PROX1: variants seen among roughly 807,000 people sequenced by gnomAD.
PROX1 encodes the protein prospero homeobox protein 1.
A neutral mutation model predicts 58.8 loss-of-function variants in PROX1; 7 were observed. The ratio of observed to expected loss-of-function variants is 0.12; its 90% CI spans 0.07 to 0.22. The LOEUF (loss-of-function observed/expected upper bound fraction) is 0.22, where lower values mean the gene tolerates loss of function less well. Among genes scored for constraint, PROX1 ranks in the 10% least tolerant of loss-of-function variants. PROX1 has a pLI of 1.00. For synonymous variants in PROX1, 350 were observed against 358.3 expected (o/e 0.98, Z 0.26); for missense variants, 675 against 927.8 (o/e 0.73, Z 3.54).
At chr1:214,010,885 T>C (rs1663885134) in intron 3 of PROX1, among the ~76,000 whole-genome samples, 1 of 152,114 alleles carries the variant, frequency 6.6e-6, no homozygotes, top group Non-Finnish European at 1.5e-5. Context: ...AGGAAGCAGG[T>C]GAACAGGCAC....
At chr1:214,030,873 T>C (rs1450775864) in intron 4 of PROX1, 1 of 152,442 alleles carries the variant, frequency 6.6e-6, no homozygotes, top group Non-Finnish European at 1.5e-5. Context: ...CAGGCTTTTA[T>C]TATGTACTGC....
At chr1:214,005,405 T>A (rs1014502061) in intron 3 of PROX1, 133 bp downstream of exon 3, 1 of 684,252 alleles carries the variant, frequency 1.5e-6, no homozygotes, top group Non-Finnish European at 2.4e-6. Context: ...TTTAATGCAC[T>A]TGTCTTTTTG....
Position 214,037,979 on chromosome 1 carries a change from G to T in PROX1, c.*2145G>T, listed in dbSNP as rs1274935391. The T allele has an allele frequency of 1.3e-5, 2 of 152,198 alleles. No homozygotes were observed. Among genetic ancestry groups the T allele is most frequent in the Non-Finnish European group, 2.9e-5 (2 of 68,046 alleles). The allele number at this position is 152,198 out of a possible 1,614,324, so 9.4% of individuals were successfully genotyped here. ...TCATATCAACTTTGTGTTGCCATTT[G>T]CAAGGTAAAAGGCAAAGCTGTAGTG... On this transcript the variant is annotated 3_prime_UTR_variant, in exon 5 of 5. Transcript: ENST00000366958.
chr1:214,020,726 T>G (rs1441418377), intron 4 of PROX1, among the ~76,000 whole-genome samples: 3 of 152,252 alleles, frequency 2.0e-5, no homozygotes, highest in African/African-American at 7.2e-5. Context: ...AGTTTTTAAA[T>G]TCTCTAACTA....
intron 4 of PROX1, among the ~76,000 whole-genome samples, chr1:214,027,126 C>T (rs1035850591): frequency 6.6e-6 from 1 of 152,132 alleles, no homozygotes; most frequent in Admixed American, 6.5e-5. Context: ...CCCTGCAACT[C>T]TTTCCGTCTG....
chr1:213,997,362 A>C lies in PROX1; in HGVS notation c.827A>C (p.Glu276Ala). 1 of 1,614,114 alleles carries C rather than the reference A, an allele frequency of 6.2e-7. No homozygotes were observed. The highest frequency in any genetic ancestry group is 1.1e-5 in the South Asian group (1 of 91,076). ...AATGATGAAGATGGTAACCTGTCTG[A>C]AGACAGCATGCGCTCGGAGATCCTG... ...SENDEDGNLS[E>A]DSMRSEILDA... Residue 276 changes from glutamate (E) to alanine (A), a missense_variant, in exon 2 of 5, where the codon GAA becomes GCA. By Grantham distance (107) the Glu-to-Ala change is moderately radical. This residue lies in a region of PROX1 where 403 missense variants were observed against 477.4 expected (regional missense o/e 0.84). Transcript: ENST00000366958. This position sits in a 1 kb window ranked among gnomAD's most constrained non-coding sequence, Gnocchi z 7.1.
At position 214,036,583 on chromosome 1, in the gene PROX1, A is replaced by AAT. The variant is rs1664837056; in HGVS notation, c.*751_*752dup. ...TTGTAGCCACCTCTCTAAACTTGAA[A>AAT]ATAGGTTCTTCTTCATAAGTGAGCT... On this transcript the variant is annotated 3_prime_UTR_variant, in exon 5 of 5. Transcript: ENST00000366958. 6.6e-6 allele frequency: 1 copy of AAT among 152,208 alleles called. No homozygotes were observed. The highest frequency in any genetic ancestry group is 6.5e-5 in the Admixed American group (1 of 15,274). The allele number at this position is 152,208 out of a possible 1,614,324, so 9.4% of individuals were successfully genotyped here.
In PROX1 at chr1:214,039,301, G is replaced by C. The variant is rs753484438; in HGVS notation, c.*3467G>C. On this transcript the variant is annotated 3_prime_UTR_variant, in exon 5 of 5. Transcript: ENST00000366958. Reference sequence around the variant, plus strand: ...TAAAACACATGGAAGATGTTAGAATGTAGTAATTATTTAAGTAAACGTTCA... The same window carrying C: ...TAAAACACATGGAAGATGTTAGAATCTAGTAATTATTTAAGTAAACGTTCA... 1 of 152,178 alleles carries C rather than the reference G, an allele frequency of 6.6e-6. No individual in the cohort carries two copies. The highest frequency in any genetic ancestry group is 1.5e-5 in the Non-Finnish European group (1 of 68,028). 9.4% of individuals were successfully genotyped at this position (152,178 alleles called of 1,614,324 possible).
At position 214,030,441 on chromosome 1, in the gene PROX1, G is replaced by A. The variant is rs934930957; in HGVS notation, c.2029-5208G>A. 3 of 152,256 alleles carry A rather than the reference G, an allele frequency of 2.0e-5. No homozygotes were observed. The South Asian group carries it at 6.2e-4, about 32-fold the overall frequency. The allele number at this position is 152,256 out of a possible 1,614,324, so 9.4% of individuals were successfully genotyped here. ...GGAGCCTTTGGTTACGGGTTGGGGG[G>A]TGGGTGGCCAGGGAAAGAAGTCGAT... On this transcript the variant is annotated intron_variant, in intron 4 of 4. Transcript: ENST00000366958.
chr1:214,012,378 A>G (rs1040091109), intron 4 of PROX1, among the ~76,000 whole-genome samples: 1 of 151,870 alleles, frequency 6.6e-6, no homozygotes, highest in African/African-American at 2.4e-5. Context: ...ACACTTATAT[A>G]TATCTGTGAC....
rs555543884 is a variant in PROX1 at position 214,023,779 on chromosome 1, C to A, written c.2029-11870C>A. ...GCACCTAAGTTCTGTTTTCTTAAGG[C>A]TACATTAACATTTTAAATTAGAATA... On this transcript the variant is annotated intron_variant, in intron 4 of 4. Coordinates refer to ENST00000366958, the MANE Select transcript of PROX1 (RefSeq NM_001270616.2). 5.9e-5 allele frequency among the ~76,000 whole-genome samples: 9 copies of A among 152,256 alleles called. No homozygotes were observed. In the South Asian group the frequency reaches 1.9e-3, roughly 32 times the overall value.
At chr1:214,014,416 TC>T (rs1342545741) in intron 4 of PROX1, among the ~76,000 whole-genome samples, 1 of 152,192 alleles carries the variant, frequency 6.6e-6, no homozygotes, top group African/African-American at 2.4e-5. Context: ...TGCCCCAAGA[TC>T]CAGTCGATTC....
chr1:214,012,601 TG>T (rs990461413), intron 4 of PROX1, among the ~76,000 whole-genome samples: 1 of 152,340 alleles, frequency 6.6e-6, no homozygotes, highest in African/African-American at 2.4e-5. Flanking sequence ...TGAGCCCTGC[TG>T]GCTGAGGCAA....
Position 213,997,533 on chromosome 1 carries a change from A to G in PROX1, c.998A>G (p.Glu333Gly). The G allele has an allele frequency of 6.2e-7, 1 of 1,614,066 alleles. No homozygotes were observed. The highest frequency in any genetic ancestry group is 8.5e-7 in the Non-Finnish European group (1 of 1,179,990). Reference sequence around the variant, plus strand: ...CCGAAGCGAGAAGGCAACAACAAAGAAAGAGACCATGGGCCAAACTCCTTA... The same window carrying G: ...CCGAAGCGAGAAGGCAACAACAAAGGAAGAGACCATGGGCCAAACTCCTTA... ...NKPKREGNNK[E>G]RDHGPNSLQP... Residue 333 changes from glutamate to glycine, a missense_variant, in exon 2 of 5, where the codon GAA becomes GGA. Glu to Gly is a moderately conservative substitution (Grantham distance 98, BLOSUM62 -2). Coordinates refer to ENST00000366958, the MANE Select transcript of PROX1 (RefSeq NM_001270616.2). The surrounding 1 kb of genome is among the most constrained non-coding windows in gnomAD (Gnocchi z 7.1).
chr1:213,996,477 G>A lies in PROX1; in HGVS notation c.-59G>A, dbSNP rs1328731048. On this transcript the variant is annotated 5_prime_UTR_variant, in exon 2 of 5. Coordinates refer to ENST00000366958, the MANE Select transcript of PROX1 (RefSeq NM_001270616.2). ...TTTGTTCTGTTGGCCAGGGTCCCGG[G>A]ATTCTTGAGCTGTGCCCAGCTGACG... is the stretch of plus-strand genomic sequence containing the variant. 6.5e-7 allele frequency: 1 copy of A among 1,533,228 alleles called. No homozygotes were observed. Among genetic ancestry groups the A allele is most frequent in the Non-Finnish European group, 8.8e-7 (1 of 1,139,714 alleles). 95.0% of individuals were successfully genotyped at this position (1,533,228 alleles called of 1,614,324 possible).
chr1:213,991,398 T>G (rs1663031173), intron 1 of PROX1, among the ~76,000 whole-genome samples: 1 of 152,138 alleles, frequency 6.6e-6, no homozygotes, highest in African/African-American at 2.4e-5. Context: ...TCTGTAGACT[T>G]CAACATTAAC....
At chr1:214,027,051 G>T (rs1464951085) in intron 4 of PROX1, among the ~76,000 whole-genome samples, 2 of 152,166 alleles carry the variant, frequency 1.3e-5, no homozygotes, top group Non-Finnish European at 2.9e-5. Flanking sequence ...GAAGTGTACT[G>T]CCACAAACTC....
At chr1:213,991,217 G>A (rs927913184) in intron 1 of PROX1, among the ~76,000 whole-genome samples, 1 of 152,180 alleles carries the variant, frequency 6.6e-6, no homozygotes, top group African/African-American at 2.4e-5. Context: ...TTCAATGTAA[G>A]CACTATATCT....
At chr1:213,991,841 T>C (rs1238852263) in intron 1 of PROX1, among the ~76,000 whole-genome samples, 1 of 152,202 alleles carries the variant, frequency 6.6e-6, no homozygotes, top group Non-Finnish European at 1.5e-5. Flanking sequence ...AAGTTTTAGG[T>C]TTCAGATTAA....
Sources: gnomAD v4.1 joint callset for allele counts (sites outside exome capture counted in the v4.1 genomes callset) on GRCh38, gnomAD v4.1.1 for gene constraint, gnomAD v4.1.1 regional missense constraint, Gnocchi (gnomAD v3.1) non-coding constraint, MANE v1.5 for transcripts, NCBI Gene and HGNC (gene_info 2026-07-23, HGNC 2026-07-21) for gene names.